The following PCDHA1 variants were observed in gnomAD, a reference collection of about 807,000 sequenced individuals.
The protein encoded by PCDHA1 is protocadherin alpha 1, also known as protocadherin alpha-1.
In PCDHA1, 42 loss-of-function variants were observed where a neutral mutation model predicts 61.3. The ratio of observed to expected loss-of-function variants is 0.69; its 90% confidence interval spans 0.54 to 0.89. The LOEUF is 0.89. Among genes scored for constraint, PCDHA1 ranks in the 40% least tolerant of loss-of-function variants. The pLI is 0.00. For missense variants in PCDHA1, 1,256 were observed against 1,235.3 expected (o/e 1.02, Z -0.25); for synonymous variants, 610 against 553.8 (o/e 1.10, Z -1.43).
chr5:140,849,881 G>T, intron 1 of PCDHA1: 1 of 1,598,596 alleles, frequency 6.3e-7, no homozygotes, highest in Non-Finnish European at 8.6e-7. Flanking sequence ...AGTACACGGT[G>T]TTCGTGAAGG....
At chr5:140,978,851 C>T (rs2096826375) in intron 1 of PCDHA1, 98 bp from the exon 2 acceptor site, 2 of 1,578,528 alleles carry the variant, frequency 1.3e-6, no homozygotes, top group South Asian at 2.3e-5. Flanking sequence ...TTTTTAGATG[C>T]CTGGAAATAT....
chr5:140,835,549 T>G (rs2150237980), intron 1 of PCDHA1: 1 of 1,613,976 alleles, frequency 6.2e-7, no homozygotes, highest in Non-Finnish European at 8.5e-7. Flanking sequence ...ACCTGCTCCC[T>G]GACGCCCCGC....
chr5:140,858,334 GC>G, intron 1 of PCDHA1: 1 of 1,595,814 alleles, frequency 6.3e-7, no homozygotes, highest in Admixed American at 1.7e-5. Flanking sequence ...GGGAGGGCCT[GC>G]CCAAGGCGGA....
At position 141,010,340 on chromosome 5, in the gene PCDHA1, C is replaced by T. The variant is rs1400539624; in HGVS notation, c.*403C>T. 2 of 1,533,798 alleles carry T rather than the reference C, an allele frequency of 1.3e-6. No homozygotes were observed. Among genetic ancestry groups the T allele is most frequent in the Non-Finnish European group, 1.8e-6 (2 of 1,140,544 alleles). On this transcript the variant is annotated 3_prime_UTR_variant, in exon 4 of 4. Coordinates refer to ENST00000504120, the MANE Select transcript of PCDHA1 (RefSeq NM_018900.4). ...TGAGCAGCTTGGGAGTTTGTGGCCA[C>T]TGGGTATGTGTGGCTACCGCGGGTA...
intron 1 of PCDHA1, among the ~76,000 whole-genome samples, chr5:140,923,795 A>C (rs1282849925): frequency 6.6e-6 from 1 of 152,360 alleles, no homozygotes; most frequent in African/African-American, 2.4e-5. Context: ...CATTCTTTTC[A>C]CAAATGAAAT....
chr5:140,867,814 A>G (rs1277915043), intron 1 of PCDHA1: 1 of 152,106 alleles, frequency 6.6e-6, no homozygotes, highest in East Asian at 1.9e-4. Flanking sequence ...ATGAAATTCC[A>G]TTTCCACAAG....
chr5:140,891,688 T>G (rs2063203967), intron 1 of PCDHA1, among the ~76,000 whole-genome samples: 1 of 152,224 alleles, frequency 6.6e-6, no homozygotes, highest in Non-Finnish European at 1.5e-5. Flanking sequence ...TCTCTCTTCT[T>G]GCTGTTGTCT....
chr5:141,007,094 A>G (rs559556000), intron 3 of PCDHA1, among the ~76,000 whole-genome samples: 1 of 152,300 alleles, frequency 6.6e-6, no homozygotes, highest in Admixed American at 6.5e-5. Context: ...AAGAGAGTCT[A>G]GGGCCAAACC....
intron 1 of PCDHA1, among the ~76,000 whole-genome samples, chr5:140,913,185 G>A (rs1331767738): frequency 2.6e-5 from 4 of 152,166 alleles, no homozygotes; most frequent in African/African-American, 9.7e-5. Flanking sequence ...TAAATGTTTG[G>A]TAGAATTTGG....
rs1554148909 is a variant in PCDHA1, at chr5:140,856,599, A to G, written c.2394+67915A>G. 10 of 1,597,910 alleles carry G rather than the reference A, an allele frequency of 6.3e-6. 1 individual carries two copies. Among genetic ancestry groups the G allele is most frequent in the African/African-American group, 1.3e-5 (1 of 74,324 alleles). ...TATTTTGTTCTTGATATTATAAACAAAAAAGACAAAGACAAATTCCCAGTG... is the reference window on the plus strand; with the variant it reads ...TATTTTGTTCTTGATATTATAAACAGAAAAGACAAAGACAAATTCCCAGTG... On this transcript the variant is annotated intron_variant, in intron 1 of 3. Transcript: ENST00000504120.
intron 1 of PCDHA1, among the ~76,000 whole-genome samples, chr5:140,946,255 A>C (rs1554217419): frequency 6.6e-6 from 1 of 152,084 alleles, no homozygotes; most frequent in Non-Finnish European, 1.5e-5. Context: ...GAATCATCAG[A>C]AAAATGCGAA....
At chr5:140,978,835 A>G in intron 1 of PCDHA1, 114 bp from the exon 2 acceptor site, 2 of 1,550,342 alleles carry the variant, frequency 1.3e-6, no homozygotes, top group Non-Finnish European at 1.7e-6. Flanking sequence ...TGGCTCATTC[A>G]ATACTTTTTT....
intron 1 of PCDHA1, among the ~76,000 whole-genome samples, chr5:140,887,841 T>C (rs1024646010): frequency 2.6e-5 from 4 of 152,224 alleles, no homozygotes; most frequent in African/African-American, 7.2e-5. Context: ...ATATCTTTTA[T>C]TGACATATTT....
At position 140,869,859 on chromosome 5, in the gene PCDHA1, G is replaced by A. The variant is rs1368092611; in HGVS notation, c.2394+81175G>A. 4 of 1,610,412 alleles carry A rather than the reference G, an allele frequency of 2.5e-6. No homozygotes were observed. In the East Asian group the frequency reaches 8.9e-5, roughly 36 times the overall value. The stretch of plus-strand genomic sequence containing the variant: ...AATCAGAATATAAGGTGAGCCTTAT[G>A]GAAAATGCTGCTAAAGAAACTCTTG... On this transcript the variant is annotated intron_variant, in intron 1 of 3. Coordinates refer to ENST00000504120, the MANE Select transcript of PCDHA1 (RefSeq NM_018900.4).
chr5:140,858,616 T>G (rs1562539811), intron 1 of PCDHA1: 1 of 1,182,404 alleles, frequency 8.5e-7, no homozygotes, highest in Non-Finnish European at 1.2e-6. Context: ...TTTTTTATCC[T>G]ACCCAGTGTG....
At chr5:140,823,742 C>A (rs1767853747) in intron 1 of PCDHA1, 5 of 1,613,716 alleles carry the variant, frequency 3.1e-6, no homozygotes, top group East Asian at 2.2e-5. Flanking sequence ...CATGGAGAGC[C>A]CCCGCTGACA....
intron 1 of PCDHA1, among the ~76,000 whole-genome samples, chr5:140,924,976 C>T (rs1376073492): frequency 6.6e-6 from 1 of 151,048 alleles, no homozygotes; most frequent in Non-Finnish European, 1.5e-5. Context: ...TGCAGTGGCT[C>T]ATGTCTGTAA....
intron 1 of PCDHA1, chr5:140,858,086 C>T (rs1554151138): frequency 6.3e-7 from 1 of 1,597,802 alleles, no homozygotes; most frequent in Admixed American, 1.7e-5. Flanking sequence ...GGCCTCGTCG[C>T]GGGCTTCAGT....
chr5:140,897,461 A>G (rs1374397258), intron 1 of PCDHA1, among the ~76,000 whole-genome samples: 5 of 151,630 alleles, frequency 3.3e-5, no homozygotes, highest in African/African-American at 4.8e-5. Flanking sequence ...TCCTTGCGAT[A>G]GTTTACTGAG....
Sources: allele counts gnomAD v4.1 joint callset (sites outside exome capture counted in the v4.1 genomes callset), GRCh38; gene constraint gnomAD v4.1.1; transcripts MANE v1.5; gene names NCBI Gene and HGNC (gene_info 2026-07-23, HGNC 2026-07-21).